The following PTPRD variants were observed in gnomAD, a reference collection of about 807,000 sequenced individuals.
PTPRD encodes the protein protein tyrosine phosphatase receptor type D, also known as receptor-type tyrosine-protein phosphatase delta.
In PTPRD, 34 loss-of-function variants were observed where a neutral mutation model predicts 214.5. That is an observed-to-expected ratio of 0.16 (90% CI 0.12 to 0.21). The LOEUF is 0.21. Among genes scored for constraint, PTPRD ranks in the 10% least tolerant of loss-of-function variants. The probability of loss-of-function intolerance (pLI) is 1.00; values close to 1 mark genes in which losing one functional copy is unlikely to be tolerated. For missense variants in PTPRD, 2,545 were observed against 2,398.7 expected (o/e 1.06, Z -1.27); for synonymous variants, 1,128 against 845.7 (o/e 1.33, Z -5.79).
intron 3 of PTPRD, among the ~76,000 whole-genome samples, chr9:10,047,201 G>A (rs767745883): frequency 6.6e-6 from 1 of 151,830 alleles, no homozygotes; most frequent in African/African-American, 2.4e-5. Context: ...AGTGGCACTG[G>A]TGTGCAAATC....
chr9:8,317,487 G>A lies in PTPRD; in HGVS notation c.*387C>T, dbSNP rs941152507. 1.2e-5 allele frequency: 3 copies of A among 244,710 alleles called. No homozygotes were observed. The highest frequency in any genetic ancestry group is 2.2e-5 in the African/African-American group (1 of 45,534). 15.2% of individuals were successfully genotyped at this position (244,710 alleles called of 1,614,324 possible). On this transcript the variant is annotated 3_prime_UTR_variant, in exon 46 of 46. Coordinates refer to ENST00000381196, the MANE Select transcript of PTPRD (RefSeq NM_002839.4). ...AGCAGAGTCCGTTTCATTGTGAGAAGCCACACCAGCACATATCTTGTGCTG... is the reference window on the plus strand; with the variant it reads ...AGCAGAGTCCGTTTCATTGTGAGAAACCACACCAGCACATATCTTGTGCTG...
chr9:9,774,032 A>T (rs1597404116), intron 5 of PTPRD, among the ~76,000 whole-genome samples: 1 of 152,222 alleles, frequency 6.6e-6, no homozygotes, highest in African/African-American at 2.4e-5. Flanking sequence ...GGCTGGACTC[A>T]TGCAGGTAAG....
At chr9:8,791,201 AGAG>A (rs2096217570) in intron 11 of PTPRD, among the ~76,000 whole-genome samples, 1 of 152,080 alleles carries the variant, frequency 6.6e-6, no homozygotes, top group South Asian at 2.1e-4. Context: ...AATACAATGC[AGAG>A]GAGAAGACAA....
intron 8 of PTPRD, among the ~76,000 whole-genome samples, chr9:9,510,099 T>G (rs2096664344): frequency 6.6e-6 from 1 of 151,698 alleles, no homozygotes; most frequent in African/African-American, 2.4e-5. Flanking sequence ...TTTACCTGTG[T>G]ATGGCCCTAC....
chr9:10,151,365 C>A (rs1052280302), intron 3 of PTPRD, among the ~76,000 whole-genome samples: 1 of 144,310 alleles, frequency 6.9e-6, no homozygotes, highest in Non-Finnish European at 1.5e-5. Flanking sequence ...CGAGTTCAAG[C>A]GATTCTCCTT....
At chr9:10,032,820 C>T (rs1013933690) in intron 4 of PTPRD, among the ~76,000 whole-genome samples, 1 of 151,820 alleles carries the variant, frequency 6.6e-6, no homozygotes, top group South Asian at 2.1e-4. Flanking sequence ...TATCTTTTTA[C>T]ATTTCAACTG....
chr9:10,244,007 T>C (rs528895858), intron 3 of PTPRD, among the ~76,000 whole-genome samples: 1 of 145,928 alleles, frequency 6.9e-6, no homozygotes, highest in Admixed American at 7.0e-5. Flanking sequence ...ATCATAATTA[T>C]GCTTTCTCAC....
intron 8 of PTPRD, among the ~76,000 whole-genome samples, chr9:9,550,822 G>C (rs1008951218): frequency 1.3e-5 from 2 of 151,836 alleles, no homozygotes; most frequent in Non-Finnish European, 2.9e-5. Flanking sequence ...AGAGGATATA[G>C]AGAGTATATA....
chr9:9,670,559 C>G (rs960967080), intron 7 of PTPRD, among the ~76,000 whole-genome samples: 5 of 152,212 alleles, frequency 3.3e-5, no homozygotes, highest in African/African-American at 1.2e-4. Flanking sequence ...ATGGCAGCCC[C>G]TCCCATCACA....
At chr9:9,664,202 A>G (rs998678271) in intron 7 of PTPRD, among the ~76,000 whole-genome samples, 4 of 151,422 alleles carry the variant, frequency 2.6e-5, no homozygotes, top group Admixed American at 2.6e-4. Context: ...AAAAATAAAT[A>G]AAAACCAGGT....
At chr9:9,221,582 T>C (rs35917091) in intron 9 of PTPRD, among the ~76,000 whole-genome samples, 51,454 of 151,864 alleles carry the variant, frequency 0.34, 8,976 homozygotes, top group African/African-American at 0.36. Context: ...GTGTGCTCCA[T>C]GGCAGAGACA....
At chr9:9,202,035 C>T (rs989041543) in intron 9 of PTPRD, among the ~76,000 whole-genome samples, 3 of 152,138 alleles carry the variant, frequency 2.0e-5, no homozygotes, top group African/African-American at 7.2e-5. Flanking sequence ...GCAAGAAGTG[C>T]TTGTTTCAAC....
chr9:8,621,445 G>A (rs2095821350), intron 14 of PTPRD, among the ~76,000 whole-genome samples: 1 of 151,814 alleles, frequency 6.6e-6, no homozygotes, highest in African/African-American at 2.4e-5. Context: ...ATGTTGATAG[G>A]GAATTAAGAA....
intron 10 of PTPRD, among the ~76,000 whole-genome samples, chr9:9,137,777 T>G (rs2099853279): frequency 6.6e-6 from 1 of 152,302 alleles, no homozygotes; most frequent in Middle Eastern, 3.4e-3. Flanking sequence ...GGATTCCTGG[T>G]GCATCCATTT....
chr9:9,920,396 A>G (rs1336598320), intron 5 of PTPRD, among the ~76,000 whole-genome samples: 1 of 152,106 alleles, frequency 6.6e-6, no homozygotes, highest in Admixed American at 6.6e-5. Flanking sequence ...GCTCTCTAAC[A>G]ATTCGAAGGA....
intron 12 of PTPRD, among the ~76,000 whole-genome samples, chr9:8,686,153 T>G (rs72700354): frequency 0.1 from 15,939 of 152,276 alleles, 1,110 homozygotes; most frequent in South Asian, 0.15. Context: ...TATGACTCAA[T>G]TTCATCTTTA....
At chr9:10,451,409 G>C (rs902574692) in intron 2 of PTPRD, among the ~76,000 whole-genome samples, 1 of 151,668 alleles carries the variant, frequency 6.6e-6, no homozygotes, top group African/African-American at 2.4e-5. Context: ...TGGCAATTGT[G>C]GCTTTTTCTT....
At chr9:9,507,778 A>C (rs973187252) in intron 8 of PTPRD, among the ~76,000 whole-genome samples, 3 of 151,418 alleles carry the variant, frequency 2.0e-5, no homozygotes, top group African/African-American at 7.3e-5. Flanking sequence ...ATGCAGATAA[A>C]AATCTGTTTA....
intron 9 of PTPRD, among the ~76,000 whole-genome samples, chr9:9,239,962 A>C (rs1006125995): frequency 6.6e-6 from 1 of 152,178 alleles, no homozygotes; most frequent in Non-Finnish European, 1.5e-5. Flanking sequence ...CTATGTTCAG[A>C]GTCTCAGAGG....
Sources: gnomAD v4.1 joint callset for allele counts (sites outside exome capture counted in the v4.1 genomes callset) on GRCh38, gnomAD v4.1.1 for gene constraint, MANE v1.5 for transcripts, NCBI Gene and HGNC (gene_info 2026-07-23, HGNC 2026-07-21) for gene names.